The following AGPAT4 variants were observed in gnomAD, a reference collection of about 807,000 sequenced individuals.
AGPAT4 encodes 1-acyl-sn-glycerol-3-phosphate acyltransferase delta.
Under a neutral mutation model 48.0 loss-of-function variants are expected in AGPAT4, and 15 were observed. That is an observed-to-expected ratio of 0.31 (90% CI 0.21 to 0.48). AGPAT4 has a LOEUF of 0.48. AGPAT4 is among the 20% of genes least tolerant of loss of function. The pLI is 0.99. For synonymous variants in AGPAT4, 178 were observed against 198.7 expected, an observed-to-expected ratio of 0.90 and a Z score of 0.88; for missense variants, 314 against 482.5, an observed-to-expected ratio of 0.65 and a Z score of 3.27.
rs543835991 is a variant in AGPAT4 at position 161,245,186 on chromosome 6, G to A, written c.-89-12884C>T. 2.6e-5 allele frequency among the ~76,000 whole-genome samples: 4 copies of A among 152,328 alleles called. No homozygotes were observed. The South Asian group carries it at 8.3e-4, about 32-fold the overall frequency. On this transcript the variant is annotated intron_variant, in intron 1 of 8. Coordinates refer to ENST00000320285, the MANE Select transcript of AGPAT4 (RefSeq NM_020133.3). This position sits in a 1 kb window ranked among gnomAD's most constrained non-coding sequence, Gnocchi z 5.2. ...GAGGTAGCCAGTATTTAGAGTCAGG[G>A]GACCTGAGTGTGATTCTTGATCGTT...
Position 161,135,606 on chromosome 6 carries a change from G to A in AGPAT4, c.*934C>T, listed in dbSNP as rs1258822846. 9 of 152,194 alleles carry A rather than the reference G, an allele frequency of 5.9e-5. No individual in the cohort carries two copies. Among genetic ancestry groups the A allele is most frequent in the Admixed American group, 2.6e-4 (4 of 15,284 alleles). The allele number at this position is 152,194 out of a possible 1,614,324, so 9.4% of individuals were successfully genotyped here. On this transcript the variant is annotated 3_prime_UTR_variant, in exon 9 of 9. Transcript: ENST00000320285. ...CAAGCTCTACATGCTGGGAAGGGGC[G>A]AGGCATTTTATAAAGTGAAACTGCA...
At chr6:161,150,800 G>C (rs778433168) in intron 5 of AGPAT4, among the ~76,000 whole-genome samples, 2 of 152,182 alleles carry the variant, frequency 1.3e-5, no homozygotes, top group Non-Finnish European at 2.9e-5. Context: ...GCATAAATGC[G>C]TATCTACAGG....
chr6:161,144,702 G>T lies in AGPAT4; in HGVS notation c.843+1822C>A, dbSNP rs577188515. On this transcript the variant is annotated intron_variant, in intron 7 of 8. Transcript: ENST00000320285. This position sits in a 1 kb window ranked among gnomAD's most constrained non-coding sequence, Gnocchi z 6.6. ...CGGCTAAAAGTAACATTTTCGGCTGGGCACGGTGGCTCACGCCTGTAATCC... is the reference window on the plus strand; with the variant it reads ...CGGCTAAAAGTAACATTTTCGGCTGTGCACGGTGGCTCACGCCTGTAATCC... Among the ~76,000 whole-genome samples, 23 of 152,122 alleles carry T rather than the reference G, an allele frequency of 1.5e-4. No homozygotes were observed. Among genetic ancestry groups the T allele is most frequent in the Non-Finnish European group, 2.9e-4 (20 of 68,018 alleles).
chr6:161,251,908 G>A lies in AGPAT4; in HGVS notation c.-89-19606C>T, dbSNP rs1314886298. Reference sequence around the variant, plus strand: ...ATTAGGGAATGGAAGGCCTATGATGGTAGGGAATTGTAATTATCTTCTTAA... The same window carrying A: ...ATTAGGGAATGGAAGGCCTATGATGATAGGGAATTGTAATTATCTTCTTAA... On this transcript the variant is annotated intron_variant, in intron 1 of 8. Transcript: ENST00000320285. This position sits in a 1 kb window ranked among gnomAD's most constrained non-coding sequence, Gnocchi z 4.6. Among the ~76,000 whole-genome samples the A allele has an allele frequency of 6.6e-6, 1 of 152,214 alleles. No homozygotes were observed. Among genetic ancestry groups the A allele is most frequent in the Non-Finnish European group, 1.5e-5 (1 of 68,042 alleles).
At chr6:161,248,680 C>A (rs746983840) in intron 1 of AGPAT4, among the ~76,000 whole-genome samples, 1 of 151,156 alleles carries the variant, frequency 6.6e-6, no homozygotes, top group African/African-American at 2.4e-5. Context: ...GATGACACAA[C>A]GAATGAAGAA....
In AGPAT4 at chr6:161,146,307, T is replaced by A. The variant is rs1205464806; in HGVS notation, c.843+217A>T. 1.3e-5 allele frequency among the ~76,000 whole-genome samples: 2 copies of A among 150,748 alleles called. No individual in the cohort carries two copies. The highest frequency in any genetic ancestry group is 5.0e-5 in the African/African-American group (2 of 40,088). ...GGCCATTACTTCTCCCTTGGTCCAC[T>A]ACACCTAGAGAATAGCTTCATTGTG... On this transcript the variant is annotated intron_variant, in intron 7 of 8. Coordinates refer to ENST00000320285, the MANE Select transcript of AGPAT4 (RefSeq NM_020133.3). The surrounding 1 kb of genome is among the most constrained non-coding windows in gnomAD (Gnocchi z 7.1).
chr6:161,133,985 G>A lies in AGPAT4; in HGVS notation c.*2555C>T, dbSNP rs1233156960. 2.0e-5 allele frequency: 3 copies of A among 152,222 alleles called. No homozygotes were observed. The highest frequency in any genetic ancestry group is 4.4e-5 in the Non-Finnish European group (3 of 68,074). 9.4% of individuals were successfully genotyped at this position (152,222 alleles called of 1,614,324 possible). On this transcript the variant is annotated 3_prime_UTR_variant, in exon 9 of 9. Transcript: ENST00000320285. ...CCGTGTGACCTGAACATGGGTGAAG[G>A]TATTTGAGGAGGCGTGATGAGCTTC...
At chr6:161,172,352 A>T (rs1780289289) in intron 2 of AGPAT4, among the ~76,000 whole-genome samples, 1 of 152,182 alleles carries the variant, frequency 6.6e-6, no homozygotes, top group Non-Finnish European at 1.5e-5. Flanking sequence ...GGCAGTGCCC[A>T]CCACACCTGC....
intron 7 of AGPAT4, among the ~76,000 whole-genome samples, chr6:161,145,365 T>C (rs1562311465): frequency 6.6e-6 from 1 of 151,586 alleles, no homozygotes; most frequent in Non-Finnish European, 1.5e-5. Flanking sequence ...TGTGTATTTG[T>C]AAGGGGATAC....
At chr6:161,162,911 G>A (rs1048841570) in intron 3 of AGPAT4, among the ~76,000 whole-genome samples, 1 of 152,204 alleles carries the variant, frequency 6.6e-6, no homozygotes, top group Non-Finnish European at 1.5e-5. Context: ...TGCACACCAC[G>A]GTTTGTTGGG....
chr6:161,167,737 C>A (rs1780146857), intron 2 of AGPAT4, among the ~76,000 whole-genome samples: 1 of 152,210 alleles, frequency 6.6e-6, no homozygotes, highest in African/African-American at 2.4e-5. Context: ...CTCTAGAAGG[C>A]ATCACAGTCC....
intron 1 of AGPAT4, among the ~76,000 whole-genome samples, chr6:161,241,781 G>A (rs1782499657): frequency 6.6e-6 from 1 of 152,190 alleles, no homozygotes; most frequent in South Asian, 2.1e-4. Context: ...TGCCCAGGCT[G>A]GAGTGCAGTG....
At chr6:161,176,742 T>C (rs1183362697) in intron 2 of AGPAT4, among the ~76,000 whole-genome samples, 5 of 152,164 alleles carry the variant, frequency 3.3e-5, no homozygotes, top group Non-Finnish European at 1.5e-5. Context: ...GGATCGATGG[T>C]CTTTACAATT....
In AGPAT4 at chr6:161,139,546, C is replaced by G; in HGVS notation, c.918G>C (p.Trp306Cys). The change falls in exon 8 of 9, where the codon TGG (tryptophan) becomes TGC (cysteine). Residue 306 changes from tryptophan (W) to cysteine (C), a missense_variant. Physicochemically the swap from Trp to Cys is radical, Grantham distance 215. Coordinates refer to ENST00000320285, the MANE Select transcript of AGPAT4 (RefSeq NM_020133.3). This position sits in a 1 kb window ranked among gnomAD's most constrained non-coding sequence, Gnocchi z 9.1. ...ETPMVPPRRP[W>C]TLVNWLFWAS... ...CCCAAAACAGCCAGTTCACGAGGGT[C>G]CAGGGCCGCCGGGGGGGCACCATGG... 2 of 1,614,078 alleles carry G rather than the reference C, an allele frequency of 1.2e-6. No homozygotes were observed. Among genetic ancestry groups the G allele is most frequent in the Non-Finnish European group, 1.7e-6 (2 of 1,179,992 alleles).
At position 161,214,844 on chromosome 6, in the gene AGPAT4, G is replaced by C. The variant is rs1382050501; in HGVS notation, c.178+17192C>G. ...AAAATACTGTATTACAATCTTAGCA[G>C]ACACCGTTGTAAATGTGGTCTACTG... On this transcript the variant is annotated intron_variant, in intron 2 of 8. Coordinates refer to ENST00000320285, the MANE Select transcript of AGPAT4 (RefSeq NM_020133.3). The surrounding 1 kb of genome is among the most constrained non-coding windows in gnomAD (Gnocchi z 5.4). Among the ~76,000 whole-genome samples, 1 of 152,156 alleles carries C rather than the reference G, an allele frequency of 6.6e-6. No homozygotes were observed. Among genetic ancestry groups the C allele is most frequent in the East Asian group, 1.9e-4 (1 of 5,188 alleles).
Position 161,165,468 on chromosome 6 carries a change from A to G in AGPAT4, c.348+780T>C. On this transcript the variant is annotated intron_variant, in intron 3 of 8. Transcript: ENST00000320285. The surrounding 1 kb of genome is among the most constrained non-coding windows in gnomAD (Gnocchi z 5.5). ...AGCCCCCGTATCTGTTCTACAGGGCATTGTTCCCAGGTGCAAAACCTGATC... is the reference window on the plus strand; with the variant it reads ...AGCCCCCGTATCTGTTCTACAGGGCGTTGTTCCCAGGTGCAAAACCTGATC... 1 of 614,058 alleles carries G rather than the reference A, an allele frequency of 1.6e-6. No individual in the cohort carries two copies. The highest frequency in any genetic ancestry group is 2.3e-6 in the Non-Finnish European group (1 of 428,040). 38.0% of individuals were successfully genotyped at this position (614,058 alleles called of 1,614,324 possible). A position where few individuals can be genotyped will look rare whatever the true frequency, so the allele number is the denominator to read the frequency against.
rs760004396 is a variant in AGPAT4 at position 161,161,101 on chromosome 6, C to T, written c.348+5147G>A. ...GGCTGTGACCGTTTGCTGAGGGCTGCGCACAGAGGAGGAGGAAGCCCCAAG... is the reference window on the plus strand; with the variant it reads ...GGCTGTGACCGTTTGCTGAGGGCTGTGCACAGAGGAGGAGGAAGCCCCAAG... On this transcript the variant is annotated intron_variant, in intron 3 of 8. Coordinates refer to ENST00000320285, the MANE Select transcript of AGPAT4 (RefSeq NM_020133.3). The surrounding 1 kb of genome is among the most constrained non-coding windows in gnomAD (Gnocchi z 4.6). 6.6e-6 allele frequency: 3 copies of T among 456,568 alleles called. No homozygotes were observed. Among genetic ancestry groups the T allele is most frequent in the South Asian group, 3.1e-5 (2 of 64,570 alleles). The allele number at this position is 456,568 out of a possible 1,614,324, so 28.3% of individuals were successfully genotyped here.
At position 161,147,321 on chromosome 6, in the gene AGPAT4, C is replaced by T. The variant is rs1024957373; in HGVS notation, c.768-722G>A. On this transcript the variant is annotated intron_variant, in intron 6 of 8. Coordinates refer to ENST00000320285, the MANE Select transcript of AGPAT4 (RefSeq NM_020133.3). This position sits in a 1 kb window ranked among gnomAD's most constrained non-coding sequence, Gnocchi z 4.8. ...ATTTGCAAAGAGCCCATACTGAACA[C>T]AGGGAGAAGTCACTCTGCCACCTTT... Among the ~76,000 whole-genome samples, 4 of 152,124 alleles carry T rather than the reference C, an allele frequency of 2.6e-5. No homozygotes were observed. Among genetic ancestry groups the T allele is most frequent in the African/African-American group, 4.8e-5 (2 of 41,418 alleles).
intron 2 of AGPAT4, among the ~76,000 whole-genome samples, chr6:161,213,219 T>C (rs1055724443): frequency 1.3e-5 from 2 of 152,320 alleles, no homozygotes; most frequent in African/African-American, 2.4e-5. Flanking sequence ...ATTCCTCCTA[T>C]GGAACACAGT....
Sources: gnomAD v4.1 joint callset for allele counts (sites outside exome capture counted in the v4.1 genomes callset) on GRCh38, gnomAD v4.1.1 for gene constraint, Gnocchi (gnomAD v3.1) non-coding constraint, MANE v1.5 for transcripts, NCBI Gene and HGNC (gene_info 2026-07-23, HGNC 2026-07-21) for gene names.